The following HIVEP2 variants were observed in gnomAD, a reference collection of about 807,000 sequenced individuals.
The protein encoded by HIVEP2 is transcription factor HIVEP2.
Under a neutral mutation model 180.7 loss-of-function variants are expected in HIVEP2, and 14 were observed. The observed-to-expected ratio is 0.08, with a 90% CI of 0.05 to 0.12. The LOEUF is 0.12. Ranked by LOEUF, HIVEP2 falls within the 10% of genes least tolerant of loss-of-function variation. The probability of loss-of-function intolerance (pLI) is 1.00; values close to 1 mark genes in which losing one functional copy is unlikely to be tolerated. For synonymous variants in HIVEP2, 1,184 were observed against 1,136.4 expected, an observed-to-expected ratio of 1.04 and a Z score of -0.84; for missense variants, 2,579 against 3,008.5, an observed-to-expected ratio of 0.86 and a Z score of 3.34.
chr6:142,805,931 G>A (rs185373281), intron 2 of HIVEP2, among the ~76,000 whole-genome samples: 6 of 152,230 alleles, frequency 3.9e-5, no homozygotes, highest in African/African-American at 7.2e-5. Context: ...CATCATCTCC[G>A]TCTGCCCTGC....
chr6:142,768,525 A>G lies in HIVEP2; in HGVS notation c.5199T>C (p.Asp1733=). 6.2e-7 allele frequency: 1 copy of G among 1,613,238 alleles called. No individual in the cohort carries two copies. Among genetic ancestry groups the G allele is most frequent in the Non-Finnish European group, 8.5e-7 (1 of 1,179,642 alleles). The stretch of plus-strand genomic sequence containing the variant: ...GTTTGCTGCCAAATAAAAAGGACGC[A>G]TCAGGTTTCATCTGTAAGACAAGAA... The part of the protein sequence containing the change: ...AWKQFTQMKP[D]ASFLFGSKLE... Residue 1733 remains aspartate (D), a synonymous_variant, in exon 6 of 10, where the codon GAT becomes GAC. Transcript: ENST00000367603.
intron 2 of HIVEP2, among the ~76,000 whole-genome samples, chr6:142,831,587 G>C (rs752970372): frequency 1.3e-5 from 2 of 152,132 alleles, no homozygotes; most frequent in African/African-American, 2.4e-5. Flanking sequence ...CATAGTCAGA[G>C]GCCACATGTA....
intron 2 of HIVEP2, among the ~76,000 whole-genome samples, chr6:142,793,622 C>CTCTTTCTTTCTT (rs753217978): frequency 1.8e-4 from 9 of 50,350 alleles, no homozygotes; most frequent in East Asian, 3.5e-4. Context: ...ATCCTTCCTT[C>CTCTTTCTTTCTT]TCTTTCTTTC....
intron 2 of HIVEP2, among the ~76,000 whole-genome samples, chr6:142,814,840 T>C (rs1234663955): frequency 6.6e-6 from 1 of 152,166 alleles, no homozygotes; most frequent in African/African-American, 2.4e-5. Flanking sequence ...ACTCAGTCTT[T>C]GCAAAGTATA....
intron 1 of HIVEP2, among the ~76,000 whole-genome samples, chr6:142,941,651 A>T (rs1205523971): frequency 6.6e-6 from 1 of 152,164 alleles, no homozygotes; most frequent in Non-Finnish European, 1.5e-5. Context: ...AAATCCATAC[A>T]CTCTGGATGG....
chr6:142,785,156 C>T (rs985275606), intron 2 of HIVEP2, among the ~76,000 whole-genome samples: 3 of 151,444 alleles, frequency 2.0e-5, no homozygotes, highest in Non-Finnish European at 4.4e-5. Context: ...CCCAAAGTGC[C>T]GGGATTACAG....
rs9399408 is a variant in HIVEP2 at position 142,893,888 on chromosome 6, T to A, written c.-641+51211A>T. ...TAAACCTATTTAAAATATATTATTC[T>A]AAGGGTTCATTTCTGAGCCATGGCT... On this transcript the variant is annotated intron_variant, in intron 1 of 9. Coordinates refer to ENST00000367603, the MANE Select transcript of HIVEP2 (RefSeq NM_006734.4). Among the ~76,000 whole-genome samples, 1,286 of 152,312 alleles carry A rather than the reference T, an allele frequency of 8.4e-3. 83 individuals are homozygous for A. The East Asian group carries it at 0.17, about 20-fold the overall frequency.
chr6:142,945,475 C>A (rs1666847212), upstream of HIVEP2, among the ~76,000 whole-genome samples: 2 of 152,126 alleles, frequency 1.3e-5, no homozygotes, highest in African/African-American at 4.8e-5. The surrounding 1 kb of genome is among the most constrained non-coding windows in gnomAD (Gnocchi z 5.5). Context: ...AAAAACCCAG[C>A]GTCCAGGCCA....
intron 1 of HIVEP2, among the ~76,000 whole-genome samples, chr6:142,865,582 G>T (rs1445103068): frequency 6.6e-6 from 1 of 152,064 alleles, no homozygotes; most frequent in East Asian, 1.9e-4. Flanking sequence ...TTAATTAGGT[G>T]ATTGACTTCA....
At chr6:142,872,168 C>T (rs1175549985) in intron 1 of HIVEP2, among the ~76,000 whole-genome samples, 1 of 152,148 alleles carries the variant, frequency 6.6e-6, no homozygotes, top group Non-Finnish European at 1.5e-5. Flanking sequence ...CCTTCCTTAT[C>T]TTTAGTAGTT....
chr6:142,858,069 T>A (rs764827997), intron 1 of HIVEP2, among the ~76,000 whole-genome samples: 5 of 152,128 alleles, frequency 3.3e-5, no homozygotes, highest in Non-Finnish European at 5.9e-5. Context: ...TAGAAGAGTA[T>A]CTCAACCCAG....
chr6:142,771,289 T>C lies in HIVEP2; in HGVS notation c.3450A>G (p.Pro1150=). The C allele has an allele frequency of 1.2e-6, 2 of 1,613,640 alleles. No individual in the cohort carries two copies. Among genetic ancestry groups the C allele is most frequent in the Non-Finnish European group, 1.7e-6 (2 of 1,180,018 alleles). The part of the protein sequence containing the change: ...AGPCPPLSSG[P]LHLAQPQIMH... ...TGATCTGTGGCTGGGCCAGGTGCAG[T>C]GGCCCCGAGCTCAGCGGGGGACAAG... The change falls in exon 5 of 10, where the codon CCA becomes CCG. Residue 1150 remains proline, a synonymous_variant. Transcript: ENST00000367603. This position sits in a 1 kb window ranked among gnomAD's most constrained non-coding sequence, Gnocchi z 5.4.
chr6:142,845,949 C>T (rs1220283331), intron 1 of HIVEP2, among the ~76,000 whole-genome samples: 1 of 152,236 alleles, frequency 6.6e-6, no homozygotes, highest in African/African-American at 2.4e-5. Flanking sequence ...AAGGCAGGCT[C>T]CCCCTGCCGC....
chr6:142,819,935 G>A lies in HIVEP2; in HGVS notation c.-528+17000C>T, dbSNP rs142786466. Among the ~76,000 whole-genome samples the A allele has an allele frequency of 2.0e-3, 310 of 152,218 alleles. 1 individual carries two copies. Among genetic ancestry groups the A allele is most frequent in the Non-Finnish European group, 3.5e-3 (241 of 68,016 alleles). ...CACTCTCTGTTAAAGGAAGGATTTC[G>A]GCGTGTTGTATAGCAAAATCCTTTC... On this transcript the variant is annotated intron_variant, in intron 2 of 9. Transcript: ENST00000367603.
intron 1 of HIVEP2, among the ~76,000 whole-genome samples, chr6:142,910,027 C>T (rs1259639648): frequency 6.6e-6 from 1 of 152,142 alleles, no homozygotes. Context: ...CATCCTTTAC[C>T]AGTGACAATG....
rs115970696 is a variant in HIVEP2 at position 142,847,086 on chromosome 6, T to C, written c.-640-10039A>G. Among the ~76,000 whole-genome samples the C allele has an allele frequency of 3.3e-3, 509 of 152,306 alleles. 3 individuals are homozygous for C. The highest frequency in any genetic ancestry group is 0.01 in the African/African-American group (419 of 41,564). ...GATCACTCAACTCTAATCCACCCTG[T>C]ACCTCAGGGTTATACTCCCAGCAGC... On this transcript the variant is annotated intron_variant, in intron 1 of 9. Coordinates refer to ENST00000367603, the MANE Select transcript of HIVEP2 (RefSeq NM_006734.4).
intron 1 of HIVEP2, among the ~76,000 whole-genome samples, chr6:142,857,828 C>G (rs1775863646): frequency 6.6e-6 from 1 of 152,166 alleles, no homozygotes; most frequent in African/African-American, 2.4e-5. Context: ...TTTGTTAAGA[C>G]TTGTGTGGCT....
intron 2 of HIVEP2, among the ~76,000 whole-genome samples, chr6:142,807,923 C>G (rs754261160): frequency 9.9e-5 from 15 of 152,180 alleles, no homozygotes; most frequent in Non-Finnish European, 1.8e-4. Context: ...CCAGGCTCTT[C>G]CTCATCCACA....
At chr6:142,768,597 GTCCCAC>G in intron 5 of HIVEP2, 61 bp from the exon 6 acceptor site, 1 of 1,524,928 alleles carries the variant, frequency 6.6e-7, no homozygotes, top group Non-Finnish European at 8.9e-7. Context: ...GAGCCCCTAT[GTCCCAC>G]TCTTCCATCA....
Sources: gnomAD v4.1 joint callset for allele counts (sites outside exome capture counted in the v4.1 genomes callset) on GRCh38, gnomAD v4.1.1 for gene constraint, Gnocchi (gnomAD v3.1) non-coding constraint, MANE v1.5 for transcripts, NCBI Gene and HGNC (gene_info 2026-07-23, HGNC 2026-07-21) for gene names.